Variants in FAM83G observed in about 807,000 individuals in gnomAD.
The protein encoded by FAM83G is protein FAM83G.
In FAM83G, 38 loss-of-function variants were observed where a neutral mutation model predicts 61.5. That is an observed-to-expected ratio of 0.62 (90% CI 0.48 to 0.81). The LOEUF is 0.81. Among genes scored for constraint, FAM83G ranks in the 30% least tolerant of loss-of-function variants. FAM83G has a pLI of 0.00. For synonymous variants in FAM83G, 470 were observed against 476.1 expected (o/e 0.99, Z 0.17); for missense variants, 989 against 1,133.6 (o/e 0.87, Z 1.83).
Position 19,003,576 on chromosome 17 carries a change from C to A in FAM83G, c.466G>T (p.Asp156Tyr). 1 of 1,593,426 alleles carries A rather than the reference C, an allele frequency of 6.3e-7. No individual in the cohort carries two copies. The highest frequency in any genetic ancestry group is 8.5e-7 in the Non-Finnish European group (1 of 1,169,866). Residue 156 changes from aspartate (D) to tyrosine (Y), a missense_variant, in exon 2 of 6, where the codon GAC (aspartate) becomes TAC (tyrosine). By Grantham distance (160) the Asp-to-Tyr change is radical. This residue lies in a region of FAM83G where 371 missense variants were observed against 404.5 expected (regional missense o/e 0.92). Coordinates refer to ENST00000388995, the MANE Select transcript of FAM83G (RefSeq NM_001039999.3). This position sits in a 1 kb window ranked among gnomAD's most constrained non-coding sequence, Gnocchi z 4.5. ...RASVYMQPPI[D>Y]GQAHIKEVVR... ...ACCTCTTTGATGTGGGCCTGCCCGTCTATGGGGGGCTGCATGTAGACGCTA... is the reference window on the plus strand; with the variant it reads ...ACCTCTTTGATGTGGGCCTGCCCGTATATGGGGGGCTGCATGTAGACGCTA...
chr17:18,981,419 G>A (rs1323668847), intron 3 of FAM83G, among the ~76,000 whole-genome samples: 4 of 152,208 alleles, frequency 2.6e-5, no homozygotes, highest in Admixed American at 6.5e-5. Flanking sequence ...CCTGGGGCCA[G>A]TAGGGAGCCA....
chr17:19,003,645 G>A lies in FAM83G; in HGVS notation c.397C>T (p.Leu133=), dbSNP rs763540091. 1.2e-6 allele frequency: 2 copies of A among 1,612,418 alleles called. No individual in the cohort carries two copies. The highest frequency in any genetic ancestry group is 1.7e-6 in the Non-Finnish European group (2 of 1,179,614). Residue 133 remains leucine, a synonymous_variant, in exon 2 of 6, where the codon CTG becomes TTG. Transcript: ENST00000388995. This position sits in a 1 kb window ranked among gnomAD's most constrained non-coding sequence, Gnocchi z 4.5. ...TAGGCGATGGTGTCGGGCCAGCCCA[G>A]GTCCAGCTGCGGGATGGAGCGGTCC... is the stretch of plus-strand genomic sequence containing the variant. ...KSDRSIPQLD[L]GWPDTIAYRG...
Position 18,969,713 on chromosome 17 carries a change from G to A in FAM83G, c.*1646C>T, listed in dbSNP as rs1202761597. 5 of 374,764 alleles carry A rather than the reference G, an allele frequency of 1.3e-5. No homozygotes were observed. In the Admixed American group the frequency reaches 1.7e-4, roughly 13 times the overall value. 23.2% of individuals were successfully genotyped at this position (374,764 alleles called of 1,614,324 possible). ...GGCCAGCCACACCCGCATTGGCTCA[G>A]CGCTTGATGGTGAGGTGGGGCTGTA... On this transcript the variant is annotated 3_prime_UTR_variant, in exon 6 of 6. Transcript: ENST00000388995.
chr17:18,986,896 T>C (rs1190779022), intron 3 of FAM83G, among the ~76,000 whole-genome samples: 2 of 152,208 alleles, frequency 1.3e-5, no homozygotes, highest in African/African-American at 4.8e-5. Context: ...CTCTCAGGCA[T>C]GAGCTATCTG....
At chr17:18,988,108 G>C in intron 3 of FAM83G, 139 bp downstream of exon 3, 2 of 1,309,656 alleles carry the variant, frequency 1.5e-6, no homozygotes, top group Non-Finnish European at 1.0e-6. Flanking sequence ...TGACTGCTTG[G>C]CAGGAGGCTC....
At chr17:18,979,995 G>C (rs2043088709) in intron 3 of FAM83G, among the ~76,000 whole-genome samples, 1 of 152,206 alleles carries the variant, frequency 6.6e-6, no homozygotes, top group Non-Finnish European at 1.5e-5. Context: ...CAGCCAGCTT[G>C]GGAAATGCTG....
At chr17:19,002,355 T>C (rs1297092397) in intron 2 of FAM83G, among the ~76,000 whole-genome samples, 8 of 152,170 alleles carry the variant, frequency 5.3e-5, no homozygotes, top group Non-Finnish European at 1.2e-4. Context: ...GACTCCACCT[T>C]CCTGGAAACT....
chr17:19,003,278 G>A lies in FAM83G; in HGVS notation c.522+242C>T, dbSNP rs918272140. ...AGAAACACCCTCCAACAATAAAGAG[G>A]CCCTTTGAGACGGGGCAGCCCACTG... On this transcript the variant is annotated intron_variant, in intron 2 of 5. Coordinates refer to ENST00000388995, the MANE Select transcript of FAM83G (RefSeq NM_001039999.3). This position sits in a 1 kb window ranked among gnomAD's most constrained non-coding sequence, Gnocchi z 4.5. Among the ~76,000 whole-genome samples the A allele has an allele frequency of 6.6e-6, 1 of 151,480 alleles. No individual in the cohort carries two copies. Among genetic ancestry groups the A allele is most frequent in the East Asian group, 1.9e-4 (1 of 5,170 alleles).
intron 5 of FAM83G, among the ~76,000 whole-genome samples, chr17:18,973,673 C>A (rs929658127): frequency 6.6e-6 from 1 of 152,080 alleles, no homozygotes; most frequent in Non-Finnish European, 1.5e-5. Context: ...AGGGAGGTAG[C>A]AGTTCTGTGT....
In FAM83G at chr17:19,000,010, G is replaced by A. The variant is rs796842242; in HGVS notation, c.522+3510C>T. The stretch of plus-strand genomic sequence containing the variant: ...AACATCTACATCCAGCTCTGGCTGA[G>A]GAAGCCCCAACCCAGCCCAGCCTCA... On this transcript the variant is annotated intron_variant, in intron 2 of 5. Transcript: ENST00000388995. This position sits in a 1 kb window ranked among gnomAD's most constrained non-coding sequence, Gnocchi z 5.2. Among the ~76,000 whole-genome samples the A allele has an allele frequency of 5.3e-5, 8 of 152,372 alleles. No individual in the cohort carries two copies. The highest frequency in any genetic ancestry group is 1.7e-4 in the African/African-American group (7 of 41,602).
Position 19,004,139 on chromosome 17 carries a change from C to A in FAM83G, c.-98G>T. 5 of 1,215,882 alleles carry A rather than the reference C, an allele frequency of 4.1e-6. No homozygotes were observed. The South Asian group carries it at 7.5e-5, about 18-fold the overall frequency. 75.3% of individuals were successfully genotyped at this position (1,215,882 alleles called of 1,614,324 possible). A position where few individuals can be genotyped will look rare whatever the true frequency, so the allele number is the denominator to read the frequency against. On this transcript the variant is annotated 5_prime_UTR_variant, in exon 2 of 6. Coordinates refer to ENST00000388995, the MANE Select transcript of FAM83G (RefSeq NM_001039999.3). The surrounding 1 kb of genome is among the most constrained non-coding windows in gnomAD (Gnocchi z 5.4). ...GGCACCGCGCGCTCGGGGGCCTCTCCGCGGCCTCTGCTTCTCTGCCCATGA... is the reference window on the plus strand; with the variant it reads ...GGCACCGCGCGCTCGGGGGCCTCTCAGCGGCCTCTGCTTCTCTGCCCATGA...
chr17:18,995,241 A>G (rs2043534088), intron 2 of FAM83G, among the ~76,000 whole-genome samples: 1 of 152,262 alleles, frequency 6.6e-6, no homozygotes, highest in African/African-American at 2.4e-5. Flanking sequence ...AAAAACAGTT[A>G]TAACTGTGTT....
chr17:18,988,501 CCA>C, intron 2 of FAM83G, 87 bp from the exon 3 acceptor site: 2 of 1,565,850 alleles, frequency 1.3e-6, no homozygotes, highest in Non-Finnish European at 1.7e-6. Flanking sequence ...CCCTCCCATG[CCA>C]CCAGCCTCTC....
chr17:18,977,254 T>A (rs1286679921), intron 5 of FAM83G: 1 of 592,184 alleles, frequency 1.7e-6, no homozygotes, highest in African/African-American at 1.9e-5. Context: ...TTTCCTCATC[T>A]GCAAACTAGG....
intron 5 of FAM83G, among the ~76,000 whole-genome samples, chr17:18,972,876 A>AC (rs2042889468): frequency 6.6e-6 from 1 of 151,970 alleles, no homozygotes; most frequent in Non-Finnish European, 1.5e-5. Context: ...CTAAAAAAAA[A>AC]AAAAAAAAGA....
intron 3 of FAM83G, among the ~76,000 whole-genome samples, chr17:18,980,126 C>T (rs934146520): frequency 1.3e-5 from 2 of 152,110 alleles, no homozygotes; most frequent in Non-Finnish European, 2.9e-5. Flanking sequence ...AGGGGGCCTG[C>T]CCTGCAGAAT....
At chr17:18,995,911 T>TA (rs555014135) in intron 2 of FAM83G, among the ~76,000 whole-genome samples, 10,344 of 125,280 alleles carry the variant, frequency 0.083, 647 homozygotes, top group South Asian at 0.33. Context: ...CTGTCTCAAT[T>TA]AAAAAAAAAA....
intron 5 of FAM83G, among the ~76,000 whole-genome samples, chr17:18,974,210 G>A (rs1034475371): frequency 3.3e-5 from 5 of 152,104 alleles, no homozygotes; most frequent in Admixed American, 6.5e-5. Context: ...ATTTTTAGTA[G>A]AAATGGGGTT....
intron 2 of FAM83G, among the ~76,000 whole-genome samples, chr17:18,999,871 G>T (rs1470629727): frequency 6.6e-6 from 1 of 152,246 alleles, no homozygotes; most frequent in Non-Finnish European, 1.5e-5. Context: ...AGGAAGGTGT[G>T]ATCTGTCCCT....
Sources: gnomAD v4.1 joint callset for allele counts (sites outside exome capture counted in the v4.1 genomes callset) on GRCh38, gnomAD v4.1.1 for gene constraint, gnomAD v4.1.1 regional missense constraint, Gnocchi (gnomAD v3.1) non-coding constraint, MANE v1.5 for transcripts, NCBI Gene and HGNC (gene_info 2026-07-23, HGNC 2026-07-21) for gene names.